The following DCAF1 variants were observed in gnomAD, a reference collection of about 807,000 sequenced individuals.
The protein encoded by DCAF1 is DDB1 and CUL4 associated factor 1, also known as DDB1- and CUL4-associated factor 1.
Under a neutral mutation model 128.0 loss-of-function variants are expected in DCAF1, and 15 were observed. The observed-to-expected ratio is 0.12, with a 90% CI of 0.08 to 0.18. DCAF1 has a LOEUF of 0.18. Among genes scored for constraint, DCAF1 ranks in the 10% least tolerant of loss-of-function variants. DCAF1 has a pLI of 1.00. For synonymous variants in DCAF1, 610 were observed against 603.0 expected, an observed-to-expected ratio of 1.01 and a Z score of -0.17; for missense variants, 988 against 1,649.5, an observed-to-expected ratio of 0.60 and a Z score of 6.95.
At chr3:51,453,546 G>A (rs1553641973) in intron 6 of DCAF1, among the ~76,000 whole-genome samples, 1 of 151,994 alleles carries the variant, frequency 6.6e-6, no homozygotes, top group African/African-American at 2.4e-5. Flanking sequence ...GCAGGAGAAT[G>A]GTTTGAGACA....
At chr3:51,457,222 C>A (rs999810150) in intron 6 of DCAF1, among the ~76,000 whole-genome samples, 4 of 152,050 alleles carry the variant, frequency 2.6e-5, no homozygotes, top group Non-Finnish European at 4.4e-5. Flanking sequence ...CCTTAAAGGA[C>A]CTGATGGAGC....
upstream of DCAF1, among the ~76,000 whole-genome samples, chr3:51,502,588 A>G (rs1480608601): frequency 2.6e-5 from 4 of 151,960 alleles, no homozygotes; most frequent in African/African-American, 9.7e-5. Context: ...TTTTTTAAAA[A>G]ACAAACCCAG....
chr3:51,437,286 A>G (rs1700932209), intron 9 of DCAF1: 4 of 395,530 alleles, frequency 1.0e-5, no homozygotes, highest in South Asian at 1.9e-5. Context: ...AAAAAAAAAA[A>G]AAAAGAAAGA....
At chr3:51,432,224 T>C (rs1458975063) in intron 10 of DCAF1, among the ~76,000 whole-genome samples, 1 of 131,422 alleles carries the variant, frequency 7.6e-6, no homozygotes, top group African/African-American at 2.9e-5. Flanking sequence ...TGAGCCAAGA[T>C]GGCACCACTG....
chr3:51,437,725 G>A (rs1700982363), intron 9 of DCAF1, among the ~76,000 whole-genome samples: 1 of 152,060 alleles, frequency 6.6e-6, no homozygotes, highest in East Asian at 1.9e-4. Flanking sequence ...TGAGGCAGGA[G>A]GATGGCTTGA....
chr3:51,490,552 T>A (rs1202670831), intron 2 of DCAF1, among the ~76,000 whole-genome samples: 1 of 152,184 alleles, frequency 6.6e-6, no homozygotes, highest in African/African-American at 2.4e-5. Flanking sequence ...ACATTCTGTG[T>A]TCATGGATTA....
chr3:51,498,745 T>C (rs1000537441), intron 1 of DCAF1, among the ~76,000 whole-genome samples: 5 of 151,968 alleles, frequency 3.3e-5, no homozygotes, highest in African/African-American at 1.2e-4. Flanking sequence ...AAATGGGTAA[T>C]GAATAAATGT....
In DCAF1 at chr3:51,428,251, G is replaced by A. The variant is rs999399590; in HGVS notation, c.1678-710C>T. The stretch of plus-strand genomic sequence containing the variant: ...GACTGGAGTGCCATAGCCCGATCAC[G>A]TGCGGCCTCAAACCCCCAGACTCGA... On this transcript the variant is annotated intron_variant, in intron 12 of 24. Transcript: ENST00000684031. Among the ~76,000 whole-genome samples, 6 of 150,298 alleles carry A rather than the reference G, an allele frequency of 4.0e-5. No homozygotes were observed. The South Asian group carries it at 6.3e-4, about 16-fold the overall frequency.
chr3:51,462,259 T>C (rs1394322892), intron 6 of DCAF1, among the ~76,000 whole-genome samples: 2 of 151,634 alleles, frequency 1.3e-5, no homozygotes, highest in African/African-American at 4.8e-5. Flanking sequence ...CTGTCTCTAC[T>C]AAAAATACAA....
At chr3:51,493,050 C>G (rs1707840331) in intron 2 of DCAF1, among the ~76,000 whole-genome samples, 1 of 151,292 alleles carries the variant, frequency 6.6e-6, no homozygotes, top group South Asian at 2.1e-4. Context: ...TTATAAAAAA[C>G]AGTTTGGGAC....
At chr3:51,447,124 G>A (rs1553640435) in intron 6 of DCAF1, among the ~76,000 whole-genome samples, 1 of 151,596 alleles carries the variant, frequency 6.6e-6, no homozygotes, top group African/African-American at 2.4e-5. Context: ...GTCCTACTAT[G>A]GGCTGGGCAT....
At chr3:51,403,588 C>T (rs147037302) in intron 23 of DCAF1, among the ~76,000 whole-genome samples, 193 bp from the exon 24 acceptor site, 7 of 152,308 alleles carry the variant, frequency 4.6e-5, no homozygotes, top group East Asian at 3.9e-4. Flanking sequence ...TCCCTCAAGA[C>T]GGTCAAAGCA....
chr3:51,473,245 A>C (rs1275915922), intron 3 of DCAF1, among the ~76,000 whole-genome samples: 8 of 150,088 alleles, frequency 5.3e-5, no homozygotes, highest in African/African-American at 1.9e-4. Context: ...TTGGGAAACA[A>C]GAGCAAAACT....
intron 7 of DCAF1, among the ~76,000 whole-genome samples, chr3:51,443,415 C>G (rs1052519354): frequency 1.3e-5 from 2 of 151,804 alleles, no homozygotes; most frequent in Non-Finnish European, 2.9e-5. Flanking sequence ...ATGGTGAAAC[C>G]CTGTCTCTAC....
Position 51,420,574 on chromosome 3 carries a change from C to T in DCAF1, c.2396G>A (p.Arg799His). The change falls in exon 15 of 25, where the codon CGC becomes CAC. Residue 799 changes from arginine (R) to histidine (H), a missense_variant. Physicochemically the swap from Arg to His is conservative, Grantham distance 29. Coordinates refer to ENST00000684031, the MANE Select transcript of DCAF1 (RefSeq NM_001387579.1). This position sits in a 1 kb window ranked among gnomAD's most constrained non-coding sequence, Gnocchi z 6.5. ...LMKEPVLQDKRSDHVKFCKYA... is the reference protein window; with the variant it reads ...LMKEPVLQDKHSDHVKFCKYA... ...CTTGCAGAACTTGACATGGTCACTGCGCTTGTCCTGCAGCACAGGCTCCTT... is the reference window on the plus strand; with the variant it reads ...CTTGCAGAACTTGACATGGTCACTGTGCTTGTCCTGCAGCACAGGCTCCTT... The T allele has an allele frequency of 6.2e-7, 1 of 1,613,952 alleles. No homozygotes were observed. Among genetic ancestry groups the T allele is most frequent in the Non-Finnish European group, 8.5e-7 (1 of 1,179,892 alleles).
intron 2 of DCAF1, among the ~76,000 whole-genome samples, chr3:51,489,943 C>T (rs1238490956): frequency 1.3e-5 from 2 of 151,730 alleles, no homozygotes; most frequent in African/African-American, 4.8e-5. Flanking sequence ...CCTAAAGAAT[C>T]CACATAAAAA....
intron 17 of DCAF1, 61 bp downstream of exon 17, chr3:51,418,055 T>G: frequency 3.2e-6 from 5 of 1,545,602 alleles, no homozygotes; most frequent in Non-Finnish European, 4.4e-6. Context: ...AAGAACCAAA[T>G]GAAGGGGGGT....
At chr3:51,462,994 T>C (rs1703768945) in intron 6 of DCAF1, 120 bp downstream of exon 6, 1 of 462,516 alleles carries the variant, frequency 2.2e-6, no homozygotes. Flanking sequence ...TAGATTTTTA[T>C]AACATATATT....
chr3:51,436,128 T>C (rs1315675419), intron 9 of DCAF1, among the ~76,000 whole-genome samples: 1 of 152,228 alleles, frequency 6.6e-6, no homozygotes, highest in Non-Finnish European at 1.5e-5. Flanking sequence ...ACCCCAGTAC[T>C]GAATTCCCTT....
Sources: allele counts gnomAD v4.1 joint callset (sites outside exome capture counted in the v4.1 genomes callset), GRCh38; gene constraint gnomAD v4.1.1; non-coding constraint Gnocchi (gnomAD v3.1); transcripts MANE v1.5; gene names NCBI Gene and HGNC (gene_info 2026-07-23, HGNC 2026-07-21).